Variants in DISP1 observed in about 807,000 individuals in gnomAD.
The protein encoded by DISP1 is dispatched RND transporter family member 1, also known as protein dispatched homolog 1.
A neutral mutation model predicts 37.3 loss-of-function variants in DISP1; 30 were observed. That is an observed-to-expected ratio of 0.80 (90% CI 0.60 to 1.09). The LOEUF (loss-of-function observed/expected upper bound fraction) is 1.09, where lower values mean the gene tolerates loss of function less well. Ranked by LOEUF, DISP1 falls within the 50% of genes least tolerant of loss-of-function variation. The pLI is 0.00. For missense variants in DISP1, 1,598 were observed against 1,879.5 expected, an observed-to-expected ratio of 0.85 and a Z score of 2.77; for synonymous variants, 634 against 690.2, an observed-to-expected ratio of 0.92 and a Z score of 1.28.
chr1:222,917,353 G>A (rs919939136), intron 1 of DISP1, among the ~76,000 whole-genome samples: 1 of 152,146 alleles, frequency 6.6e-6, no homozygotes, highest in Non-Finnish European at 1.5e-5. Flanking sequence ...TGCAGGGACA[G>A]GGAGGGACAG....
At chr1:222,840,137 A>G (rs758877432) in intron 1 of DISP1, among the ~76,000 whole-genome samples, 1 of 152,194 alleles carries the variant, frequency 6.6e-6, no homozygotes, top group Non-Finnish European at 1.5e-5. Context: ...TACCAAAAGT[A>G]TGGTTTCTAC....
chr1:222,945,115 C>G (rs1453986012), intron 3 of DISP1, among the ~76,000 whole-genome samples: 3 of 152,128 alleles, frequency 2.0e-5, no homozygotes, highest in Non-Finnish European at 4.4e-5. Context: ...TCTGGTTACA[C>G]TCTTTTTAAA....
chr1:222,873,351 T>C (rs1176390435), intron 1 of DISP1, among the ~76,000 whole-genome samples: 1 of 152,200 alleles, frequency 6.6e-6, no homozygotes, highest in East Asian at 1.9e-4. Flanking sequence ...GTCTTGTTGA[T>C]CTATCTAATG....
intron 1 of DISP1, among the ~76,000 whole-genome samples, chr1:222,819,517 C>CAA: frequency 7.4e-6 from 1 of 134,838 alleles, no homozygotes; most frequent in East Asian, 2.2e-4. Context: ...TATATACATA[C>CAA]ACACACACAC....
rs539816214 is a variant in DISP1 at position 222,902,996 on chromosome 1, G to A, written c.-158-25434G>A. ...AAATCATGCTGCTATAAAGACACAC[G>A]CACACGTATGTTTGTTGCGGCACTA... is the stretch of plus-strand genomic sequence containing the variant. On this transcript the variant is annotated intron_variant, in intron 1 of 8. Transcript: ENST00000675850. Among the ~76,000 whole-genome samples the A allele has an allele frequency of 4.6e-3, 706 of 151,910 alleles. 8 individuals are homozygous for A. The highest frequency in any genetic ancestry group is 0.017 in the Middle Eastern group (5 of 294).
chr1:222,837,792 TTTAA>T (rs1667334052), intron 1 of DISP1, among the ~76,000 whole-genome samples: 1 of 152,206 alleles, frequency 6.6e-6, no homozygotes, highest in Non-Finnish European at 1.5e-5. Context: ...TGAGAAACTG[TTTAA>T]TTAAGACCAA....
At chr1:222,854,905 G>T (rs547694580) in intron 1 of DISP1, among the ~76,000 whole-genome samples, 1 of 152,080 alleles carries the variant, frequency 6.6e-6, no homozygotes, top group South Asian at 2.1e-4. Flanking sequence ...ACAGTTATTT[G>T]TGTGGCCTGG....
At position 222,943,248 on chromosome 1, in the gene DISP1, A is replaced by G. The variant is rs764273909; in HGVS notation, c.425A>G (p.Gln142Arg). ...SPVYQTTCCL[Q>R]PSPSFCLHHP... ...GTGTATCAGACTACGTGCTGTCTTC[A>G]GCCCTCTCCATCCTTCTGCCTGCAT... The change falls in exon 3 of 9, where the codon CAG (glutamine) becomes CGG (arginine). Residue 142 changes from glutamine to arginine, a missense_variant. Coordinates refer to ENST00000675850, the MANE Select transcript of DISP1 (RefSeq NM_001377229.1). 18 of 1,613,850 alleles carry G rather than the reference A, an allele frequency of 1.1e-5. No individual in the cohort carries two copies. The South Asian group carries it at 1.8e-4, about 16-fold the overall frequency.
intron 1 of DISP1, among the ~76,000 whole-genome samples, chr1:222,921,309 A>G (rs1254927769): frequency 6.6e-6 from 1 of 152,204 alleles, no homozygotes; most frequent in Non-Finnish European, 1.5e-5. Flanking sequence ...ACTCCATCTC[A>G]AAAAACAAAA....
intron 1 of DISP1, among the ~76,000 whole-genome samples, chr1:222,910,101 C>A (rs1302058588): frequency 6.6e-6 from 1 of 152,154 alleles, no homozygotes. Context: ...CGGTGGCTCA[C>A]ACCTGTAATT....
intron 3 of DISP1, among the ~76,000 whole-genome samples, chr1:222,947,627 T>C (rs1674890114): frequency 6.6e-6 from 1 of 152,160 alleles, no homozygotes; most frequent in Non-Finnish European, 1.5e-5. Flanking sequence ...TGAGGAACCG[T>C]TTTCCATAGT....
At position 222,893,228 on chromosome 1, in the gene DISP1, T is replaced by G. The variant is rs1190116913; in HGVS notation, c.-158-35202T>G. Among the ~76,000 whole-genome samples, 2 of 152,220 alleles carry G rather than the reference T, an allele frequency of 1.3e-5. No homozygotes were observed. Among genetic ancestry groups the G allele is most frequent in the Non-Finnish European group, 2.9e-5 (2 of 68,028 alleles). ...AGAAAACTACTAAAACTTTAGTGGTTTTCTATTAAATGGATAATAACCCTA... is the reference window on the plus strand; with the variant it reads ...AGAAAACTACTAAAACTTTAGTGGTGTTCTATTAAATGGATAATAACCCTA... On this transcript the variant is annotated intron_variant, in intron 1 of 8. Transcript: ENST00000675850. This position sits in a 1 kb window ranked among gnomAD's most constrained non-coding sequence, Gnocchi z 4.3.
Position 222,991,662 on chromosome 1 carries a change from AT to A in DISP1, c.791+20del. The A allele has an allele frequency of 6.2e-7, 1 of 1,608,418 alleles. No homozygotes were observed. Among genetic ancestry groups the A allele is most frequent in the Non-Finnish European group, 8.5e-7 (1 of 1,176,080 alleles). Reference sequence around the variant, plus strand: ...CAAGCCAAAAGGTAATCAATTATTTATTTTTATATAACTTTTAGACAAAACA... The same window carrying A: ...CAAGCCAAAAGGTAATCAATTATTTATTTTATATAACTTTTAGACAAAACA... On this transcript the variant is annotated intron_variant, in intron 6 of 8. Transcript: ENST00000675850.
At chr1:222,991,434 T>A in intron 5 of DISP1, 86 bp from the exon 6 acceptor site, 1 of 1,546,826 alleles carries the variant, frequency 6.5e-7, no homozygotes, top group Non-Finnish European at 8.9e-7. Context: ...TATATATCAC[T>A]TTGACATTGC....
chr1:222,849,366 A>T (rs534756033), intron 1 of DISP1, among the ~76,000 whole-genome samples: 11 of 152,080 alleles, frequency 7.2e-5, no homozygotes, highest in Non-Finnish European at 1.5e-4. Context: ...AATTACTGAA[A>T]CTCTGAGAAG....
Position 223,003,848 on chromosome 1 carries a change from C to T in DISP1, c.2451C>T (p.Asn817=), listed in dbSNP as rs776254204. 1.2e-6 allele frequency: 2 copies of T among 1,614,204 alleles called. No homozygotes were observed. Among genetic ancestry groups the T allele is most frequent in the Admixed American group, 1.7e-5 (1 of 60,034 alleles). The change falls in exon 9 of 9, where the codon AAC becomes AAT. Residue 817 remains asparagine (N), a synonymous_variant. Coordinates refer to ENST00000675850, the MANE Select transcript of DISP1 (RefSeq NM_001377229.1). This position sits in a 1 kb window ranked among gnomAD's most constrained non-coding sequence, Gnocchi z 4.3. The stretch of plus-strand genomic sequence containing the variant: ...AGTTGACATTAGATAGCAGTTTTAA[C>T]ATCGCCAGCCCAGCTTCCCAGGCCT... ...KGKLTLDSSF[N]IASPASQAWI...
At chr1:222,872,268 C>T (rs1451829295) in intron 1 of DISP1, 1 of 152,178 alleles carries the variant, frequency 6.6e-6, no homozygotes, top group African/African-American at 2.4e-5. Flanking sequence ...GTGTCTCTGC[C>T]AGGCTTTGGT....
At position 222,939,355 on chromosome 1, in the gene DISP1, ATTTTTT is replaced by A. The variant is rs35313341; in HGVS notation, c.-17-3430_-17-3425del. ...GTGATTCTGATTATGAAGAAAAATA[ATTTTTT>A]TTTTTTTTTTTTTTTTTTTTTACTG... On this transcript the variant is annotated intron_variant, in intron 2 of 8. Coordinates refer to ENST00000675850, the MANE Select transcript of DISP1 (RefSeq NM_001377229.1). 8.2e-3 allele frequency among the ~76,000 whole-genome samples: 922 copies of A among 112,990 alleles called. 13 individuals are homozygous for A. The highest frequency in any genetic ancestry group is 0.021 in the South Asian group (61 of 2,968). The allele number at this position is 112,990 out of a possible 152,430, so 74.1% of individuals were successfully genotyped here.
chr1:222,853,638 A>G (rs1668393058), intron 1 of DISP1, among the ~76,000 whole-genome samples: 1 of 152,194 alleles, frequency 6.6e-6, no homozygotes, highest in Non-Finnish European at 1.5e-5. Flanking sequence ...ATAAGCCAGG[A>G]ACAGTAAATT....
Sources: gnomAD v4.1 joint callset for allele counts (sites outside exome capture counted in the v4.1 genomes callset) on GRCh38, gnomAD v4.1.1 for gene constraint, Gnocchi (gnomAD v3.1) non-coding constraint, MANE v1.5 for transcripts, NCBI Gene and HGNC (gene_info 2026-07-23, HGNC 2026-07-21) for gene names.